Variants in C12orf56 observed in about 807,000 individuals in gnomAD.
C12orf56 encodes the protein chromosome 12 open reading frame 56.
C12orf56 carries 71 observed loss-of-function variants against 69.9 expected under a neutral mutation model. That is an observed-to-expected ratio of 1.02 (90% CI 0.84 to 1.24). The LOEUF is 1.24. Ranked by LOEUF, C12orf56 falls within the 50% of genes most tolerant of loss-of-function variation. The pLI, the probability that C12orf56 is intolerant of heterozygous loss-of-function variation, is 0.00. For synonymous variants in C12orf56, 276 were observed against 274.1 expected, an observed-to-expected ratio of 1.01 and a Z score of -0.07; for missense variants, 732 against 738.5, an observed-to-expected ratio of 0.99 and a Z score of 0.10.
At chr12:64,336,139 C>T (rs915361856) in intron 2 of C12orf56, among the ~76,000 whole-genome samples, 1 of 152,134 alleles carries the variant, frequency 6.6e-6, no homozygotes, top group Non-Finnish European at 1.5e-5. Context: ...GAACAAGCAG[C>T]TGGAAGAACA....
chr12:64,387,077 C>CAACAAAAAAAAAAAAAAAAA (rs1201123599), intron 1 of C12orf56, among the ~76,000 whole-genome samples: 8 of 42,108 alleles, frequency 1.9e-4, no homozygotes, highest in African/African-American at 7.6e-4. Flanking sequence ...GACTCTATCT[C>CAACAAAAAAAAAAAAAAAAA]AAAAAAAAAA....
At chr12:64,358,509 C>CATCATCATCATCATCA (rs2039354743) in intron 1 of C12orf56, among the ~76,000 whole-genome samples, 1 of 135,158 alleles carries the variant, frequency 7.4e-6, no homozygotes, top group Non-Finnish European at 1.6e-5. Context: ...TCATCATCAT[C>CATCATCATCATCATCA]TTGGCCAGGC....
At chr12:64,364,434 G>A (rs1206628497) in intron 1 of C12orf56, among the ~76,000 whole-genome samples, 1 of 152,136 alleles carries the variant, frequency 6.6e-6, no homozygotes, top group African/African-American at 2.4e-5. Context: ...TCAAGGGTAG[G>A]GAGCAGTGAA....
chr12:64,327,033 A>T (rs2038854365), intron 3 of C12orf56, among the ~76,000 whole-genome samples: 1 of 152,218 alleles, frequency 6.6e-6, no homozygotes, highest in East Asian at 1.9e-4. Flanking sequence ...TTATAAGAAG[A>T]GGAAGACAGA....
At chr12:64,306,834 G>GA (rs2038520370) in intron 5 of C12orf56, among the ~76,000 whole-genome samples, 1 of 152,134 alleles carries the variant, frequency 6.6e-6, no homozygotes, top group Non-Finnish European at 1.5e-5. Context: ...TCAGCTTGCA[G>GA]AACCATCCCA....
At chr12:64,336,999 G>T (rs1205000976) in intron 2 of C12orf56, among the ~76,000 whole-genome samples, 1 of 152,144 alleles carries the variant, frequency 6.6e-6, no homozygotes, top group Non-Finnish European at 1.5e-5. Flanking sequence ...AAGGTTAAGT[G>T]ACTTGCTTAA....
intron 1 of C12orf56, among the ~76,000 whole-genome samples, chr12:64,375,965 A>G (rs1417779624): frequency 6.6e-6 from 1 of 152,164 alleles, no homozygotes; most frequent in Non-Finnish European, 1.5e-5. Flanking sequence ...GGTCATGGTC[A>G]CCTTGTGTGG....
chr12:64,384,262 T>C (rs1428353184), intron 1 of C12orf56, among the ~76,000 whole-genome samples: 1 of 151,790 alleles, frequency 6.6e-6, no homozygotes, highest in East Asian at 1.9e-4. Flanking sequence ...CTTAATCTAT[T>C]CTGTTTACCT....
intron 1 of C12orf56, among the ~76,000 whole-genome samples, chr12:64,355,522 A>G (rs1177683357): frequency 1.3e-5 from 2 of 152,186 alleles, no homozygotes; most frequent in African/African-American, 4.8e-5. Flanking sequence ...TGTGCTCAAT[A>G]TAATGAAATC....
At chr12:64,282,623 A>C (rs1302340418) in intron 8 of C12orf56, among the ~76,000 whole-genome samples, 2 of 151,898 alleles carry the variant, frequency 1.3e-5, no homozygotes, top group Non-Finnish European at 2.9e-5. Context: ...AAAATACAAA[A>C]AAATTAGCAG....
In C12orf56 at chr12:64,378,563, A is replaced by G. The variant is rs144420057; in HGVS notation, c.252+11751T>C. Among the ~76,000 whole-genome samples the G allele has an allele frequency of 5.8e-3, 882 of 152,172 alleles. 8 individuals are homozygous for G. The highest frequency in any genetic ancestry group is 0.054 in the Middle Eastern group (16 of 294). ...ATTCTCATGCCTCAGCCTCCCAAGT[A>G]ACTGGGACTACAGGCATGTGCCAAG... On this transcript the variant is annotated intron_variant, in intron 1 of 12. Transcript: ENST00000543942.
Position 64,267,168 on chromosome 12 carries a change from G to A in C12orf56, c.*15C>T, listed in dbSNP as rs368658407. The A allele has an allele frequency of 4.3e-5, 66 of 1,520,472 alleles. No individual in the cohort carries two copies. The highest frequency in any genetic ancestry group is 1.7e-4 in the Middle Eastern group (1 of 5,896). The allele number at this position is 1,520,472 out of a possible 1,614,324, so 94.2% of individuals were successfully genotyped here. A position where few individuals can be genotyped will look rare whatever the true frequency, so the allele number is the denominator to read the frequency against. The stretch of plus-strand genomic sequence containing the variant: ...CATTTTATACTCTTATTAACATTGC[G>A]TACATTGTTTGTTTCTATTCAACCA... On this transcript the variant is annotated 3_prime_UTR_variant, in exon 13 of 13. Transcript: ENST00000543942.
chr12:64,327,482 A>T (rs773570016), intron 3 of C12orf56, among the ~76,000 whole-genome samples: 6 of 152,246 alleles, frequency 3.9e-5, no homozygotes, highest in African/African-American at 7.2e-5. Flanking sequence ...TAAAATTTTT[A>T]AAAAAGAAAA....
intron 2 of C12orf56, chr12:64,338,125 C>A: frequency 2.0e-6 from 1 of 497,738 alleles, no homozygotes; most frequent in South Asian, 1.7e-5. Context: ...TCAGAAGCTT[C>A]CACATCACAG....
rs2038922540 is a variant in C12orf56, at chr12:64,330,982, T to C, written c.466A>G (p.Ser156Gly). 7 of 1,557,060 alleles carry C rather than the reference T, an allele frequency of 4.5e-6. No homozygotes were observed. Among genetic ancestry groups the C allele is most frequent in the African/African-American group, 1.4e-5 (1 of 73,488 alleles). ...LAFWRSKESR[S>G]LKESPLRDQQ... ...CACCTGAGAGGAGATTCTTTCAGAC[T>C]TCTGGACTCTTTGCTTCTCCAAAAG... Residue 156 changes from serine (S) to glycine (G), a missense_variant, in exon 3 of 13, where the codon AGT (serine) becomes GGT (glycine). Ser to Gly is a moderately conservative substitution (Grantham distance 56). Coordinates refer to ENST00000543942, the MANE Select transcript of C12orf56 (RefSeq NM_001170633.2).
At chr12:64,303,808 T>TA in intron 5 of C12orf56, 29 bp from the exon 6 acceptor site, 3 of 1,552,676 alleles carry the variant, frequency 1.9e-6, no homozygotes, top group Non-Finnish European at 2.6e-6. Flanking sequence ...ATTTTCCACT[T>TA]AAAAAAATGG....
At chr12:64,300,749 C>G (rs1335899126) in intron 6 of C12orf56, among the ~76,000 whole-genome samples, 1 of 152,196 alleles carries the variant, frequency 6.6e-6, no homozygotes, top group Non-Finnish European at 1.5e-5. Flanking sequence ...TTTCATTTTG[C>G]TCACTCTTAT....
chr12:64,390,135 T>C (rs561337504), intron 1 of C12orf56, among the ~76,000 whole-genome samples, 179 bp downstream of exon 1: 2 of 152,014 alleles, frequency 1.3e-5, no homozygotes, highest in Non-Finnish European at 2.9e-5. Context: ...GAGACGTGTT[T>C]GTATTAGGAG....
intron 1 of C12orf56, 88 bp from the exon 2 acceptor site, chr12:64,353,144 G>GTT: frequency 4.4e-5 from 53 of 1,202,348 alleles, no homozygotes; most frequent in Admixed American, 9.7e-5. Context: ...CTAACAGCAA[G>GTT]TTTTTTTTTT....
Sources: gnomAD v4.1 joint callset for allele counts (sites outside exome capture counted in the v4.1 genomes callset) on GRCh38, gnomAD v4.1.1 for gene constraint, MANE v1.5 for transcripts, NCBI Gene and HGNC (gene_info 2026-07-23, HGNC 2026-07-21) for gene names.